Variants in DARS2 observed in about 807,000 individuals in gnomAD.
DARS2 encodes aspartyl-tRNA synthetase 2, mitochondrial.
DARS2 carries 63 observed loss-of-function variants against 83.0 expected under a neutral mutation model. The ratio of observed to expected loss-of-function variants is 0.76; its 90% confidence interval spans 0.62 to 0.94. The LOEUF is 0.94. DARS2 is among the 40% of genes least tolerant of loss of function. The probability of loss-of-function intolerance (pLI) is 0.00; values close to 1 mark genes in which losing one functional copy is unlikely to be tolerated. For missense variants in DARS2, 675 were observed against 774.4 expected, an observed-to-expected ratio of 0.87 and a Z score of 1.52; for synonymous variants, 250 against 269.3, an observed-to-expected ratio of 0.93 and a Z score of 0.70.
At chr1:173,853,290 G>A in intron 13 of DARS2, 59 bp from the exon 14 acceptor site, 1 of 1,551,230 alleles carries the variant, frequency 6.4e-7, no homozygotes, top group Non-Finnish European at 8.9e-7. Context: ...TCCAGGCTGT[G>A]TCATTTCCTG....
intron 13 of DARS2, chr1:173,852,371 T>C (rs779760409): frequency 6.2e-5 from 34 of 551,308 alleles, no homozygotes; most frequent in Non-Finnish European, 7.6e-5. Context: ...TCTGATACTG[T>C]TGCTATTTTA....
intron 15 of DARS2, 82 bp downstream of exon 15, chr1:173,853,987 G>A (rs540655606): frequency 1.6e-6 from 2 of 1,261,264 alleles, no homozygotes; most frequent in East Asian, 4.9e-5. Flanking sequence ...TTGTTTGCTT[G>A]TTTGTTTTGT....
chr1:173,856,809 T>G, intron 16 of DARS2, 68 bp downstream of exon 16: 1 of 1,372,028 alleles, frequency 7.3e-7, no homozygotes, highest in Non-Finnish European at 1.0e-6. Flanking sequence ...AGGTTCTCAG[T>G]TTGTGTTGGT....
At chr1:173,834,909 G>A (rs1271620126) in intron 7 of DARS2, among the ~76,000 whole-genome samples, 1 of 150,310 alleles carries the variant, frequency 6.7e-6, no homozygotes, top group Non-Finnish European at 1.5e-5. Context: ...CTCCTGAGTA[G>A]CTGGGATTAC....
chr1:173,826,464 G>C (rs946590388), intron 1 of DARS2, among the ~76,000 whole-genome samples: 1 of 152,152 alleles, frequency 6.6e-6, no homozygotes. Flanking sequence ...ACACAAGACA[G>C]AAATTTACAT....
chr1:173,846,406 A>G (rs1263164161), intron 12 of DARS2, among the ~76,000 whole-genome samples: 1 of 152,008 alleles, frequency 6.6e-6, no homozygotes, highest in Non-Finnish European at 1.5e-5. Flanking sequence ...AGGCAGGAGA[A>G]TCACAAGCCC....
intron 1 of DARS2, among the ~76,000 whole-genome samples, chr1:173,826,149 C>G (rs1571974955): frequency 3.3e-5 from 5 of 150,866 alleles, no homozygotes. Flanking sequence ...GCGTGAACCT[C>G]GGAGGCGGAG....
At chr1:173,850,283 CAAA>C (rs199872112) in intron 12 of DARS2, 41 bp from the exon 13 acceptor site, 191 of 1,367,324 alleles carry the variant, frequency 1.4e-4, no homozygotes, top group East Asian at 6.3e-4. Context: ...TCCCACTGTT[CAAA>C]AAAAAAAAAA....
Position 173,833,404 on chromosome 1 carries a change from G to A in DARS2, c.521G>A (p.Arg174His), listed in dbSNP as rs747650701. 5 of 1,611,186 alleles carry A rather than the reference G, an allele frequency of 3.1e-6. No homozygotes were observed. The highest frequency in any genetic ancestry group is 1.7e-5 in the Admixed American group (1 of 59,902). ...KKTEALRLQY[R>H]YLDLRSFQMQ... ...ACAGAGGCTCTTCGGTTGCAGTATCGCTACTTAGACTTGCGTAGTTTCCAA... is the reference window on the plus strand; with the variant it reads ...ACAGAGGCTCTTCGGTTGCAGTATCACTACTTAGACTTGCGTAGTTTCCAA... The change falls in exon 6 of 17, where the codon CGC (arginine) becomes CAC (histidine). Residue 174 changes from arginine (R) to histidine (H), a missense_variant. Physicochemically the swap from Arg to His is conservative, Grantham distance 29. Coordinates refer to ENST00000649689, the MANE Select transcript of DARS2 (RefSeq NM_018122.5).
chr1:173,837,101 GA>G (rs761983450), intron 8 of DARS2, 55 bp downstream of exon 8: 153 of 1,463,966 alleles, frequency 1.0e-4, no homozygotes, highest in Non-Finnish European at 1.4e-4. Context: ...AAAACAAAGG[GA>G]AAAAAGGAAA....
chr1:173,856,549 G>T, intron 15 of DARS2, 117 bp from the exon 16 acceptor site: 2 of 844,060 alleles, frequency 2.4e-6, no homozygotes, highest in South Asian at 1.5e-5. Flanking sequence ...TATTGGTTAA[G>T]TCAGTTTTAG....
chr1:173,832,090 A>G (rs1345955092), intron 5 of DARS2, among the ~76,000 whole-genome samples: 1 of 152,198 alleles, frequency 6.6e-6, no homozygotes, highest in African/African-American at 2.4e-5. Flanking sequence ...TTCTTTGCCA[A>G]AGTTTAAGGG....
chr1:173,842,371 T>A (rs1653263632), intron 11 of DARS2, among the ~76,000 whole-genome samples: 1 of 139,196 alleles, frequency 7.2e-6, no homozygotes, highest in Non-Finnish European at 1.5e-5. Flanking sequence ...CGATCTTGGC[T>A]TACTGCAACC....
chr1:173,827,052 C>T (rs1451069813), intron 2 of DARS2, among the ~76,000 whole-genome samples: 3 of 152,158 alleles, frequency 2.0e-5, no homozygotes, highest in African/African-American at 7.2e-5. Context: ...GCTTGATCCA[C>T]CAGTGGACTG....
In DARS2 at chr1:173,850,376, T is replaced by C. The variant is rs376973272; in HGVS notation, c.1241T>C (p.Val414Ala). Residue 414 changes from valine (V) to alanine (A), a missense_variant, in exon 13 of 17, where the codon GTT becomes GCT. Transcript: ENST00000649689. Reference sequence around the variant, plus strand: ...GCCAATAGAAACTGGAATTCTCCAGTTGCTAATTTCATAATGGAGTCACAA... The same window carrying C: ...GCCAATAGAAACTGGAATTCTCCAGCTGCTAATTTCATAATGGAGTCACAA... ...LNANRNWNSPVANFIMESQRL... is the reference protein window; with the variant it reads ...LNANRNWNSPAANFIMESQRL... The C allele has an allele frequency of 2.3e-4, 369 of 1,613,556 alleles. No individual in the cohort carries two copies. The highest frequency in any genetic ancestry group is 2.8e-4 in the Non-Finnish European group (336 of 1,179,882).
At position 173,824,856 on chromosome 1, in the gene DARS2, AGAG is replaced by A. The variant is rs879324961; in HGVS notation, c.-370_-368del. The A allele has an allele frequency of 3.6e-5, 8 of 224,238 alleles. No individual in the cohort carries two copies. Among genetic ancestry groups the A allele is most frequent in the African/African-American group, 9.2e-5 (4 of 43,560 alleles). 13.9% of individuals were successfully genotyped at this position (224,238 alleles called of 1,614,324 possible). A position where few individuals can be genotyped will look rare whatever the true frequency, so the allele number is the denominator to read the frequency against. On this transcript the variant is annotated 5_prime_UTR_variant, in exon 1 of 17. Transcript: ENST00000649689. ...CGGGAGCCTCTCGAGAAGCGTGGAAAGAGGAGAAGGGCGTATACCTTGTGACCG... is the reference window on the plus strand; with the variant it reads ...CGGGAGCCTCTCGAGAAGCGTGGAAAGAGAAGGGCGTATACCTTGTGACCG...
At chr1:173,851,198 G>A (rs1485591044) in intron 13 of DARS2, among the ~76,000 whole-genome samples, 3 of 146,854 alleles carry the variant, frequency 2.0e-5, no homozygotes, top group African/African-American at 5.2e-5. Context: ...GCAGTGAGCC[G>A]AGATTGTGCC....
chr1:173,849,190 T>C (rs1358740630), intron 12 of DARS2, among the ~76,000 whole-genome samples: 1 of 150,584 alleles, frequency 6.6e-6, no homozygotes, highest in Non-Finnish European at 1.5e-5. Context: ...GTTTCTTCAA[T>C]GTACAGTGAT....
At chr1:173,845,440 A>T (rs1653398000) in intron 12 of DARS2, 149 bp downstream of exon 12, 1 of 550,982 alleles carries the variant, frequency 1.8e-6, no homozygotes. Flanking sequence ...TTATTTATAT[A>T]TTTATTTTGA....
Sources: allele counts gnomAD v4.1 joint callset (sites outside exome capture counted in the v4.1 genomes callset), GRCh38; gene constraint gnomAD v4.1.1; transcripts MANE v1.5; gene names NCBI Gene and HGNC (gene_info 2026-07-23, HGNC 2026-07-21).